RBFOX3: variants seen among roughly 807,000 people sequenced by gnomAD.
RBFOX3 encodes the protein RNA binding protein fox-1 homolog 3.
Under a neutral mutation model 48.7 loss-of-function variants are expected in RBFOX3, and 17 were observed. The observed-to-expected ratio is 0.35, with a 90% CI of 0.24 to 0.52. The LOEUF is 0.52. RBFOX3 is among the 20% of genes least tolerant of loss of function. The pLI is 0.94. For synonymous variants in RBFOX3, 212 were observed against 209.5 expected, an observed-to-expected ratio of 1.01 and a Z score of -0.10; for missense variants, 382 against 497.5, an observed-to-expected ratio of 0.77 and a Z score of 2.21.
At chr17:79,522,290 TC>T in intron 1 of RBFOX3, among the ~76,000 whole-genome samples, 1 of 152,260 alleles carries the variant, frequency 6.6e-6, no homozygotes, top group African/African-American at 2.4e-5. Context: ...TGTCATGCTG[TC>T]TTCCTAAAGG....
chr17:79,132,588 G>A (rs965803000), intron 4 of RBFOX3: 3 of 152,392 alleles, frequency 2.0e-5, no homozygotes, highest in African/African-American at 7.2e-5. Context: ...CAGAGTCGGG[G>A]GTGAGGACAG....
chr17:79,449,262 GC>G (rs1224352603), intron 2 of RBFOX3, among the ~76,000 whole-genome samples: 5 of 152,032 alleles, frequency 3.3e-5, no homozygotes, highest in Admixed American at 3.3e-4. Flanking sequence ...TGAAACATAA[GC>G]AGAGGCCTGT....
At chr17:79,283,516 G>A (rs571772183) in intron 3 of RBFOX3, among the ~76,000 whole-genome samples, 60 of 150,152 alleles carry the variant, frequency 4.0e-4, no homozygotes, top group African/African-American at 1.5e-3. Context: ...TGATCTGCCC[G>A]CCTCGGCCTC....
At chr17:79,353,633 A>G (rs192354866) in intron 2 of RBFOX3, among the ~76,000 whole-genome samples, 95 of 152,328 alleles carry the variant, frequency 6.2e-4, no homozygotes, top group African/African-American at 2.3e-3. Flanking sequence ...CACTGCAAGG[A>G]AAAGCCACGT....
At chr17:79,661,688 A>G in the RBFOX3 span, among the ~76,000 whole-genome samples, 1 of 152,194 alleles carries the variant, frequency 6.6e-6, no homozygotes, top group Admixed American at 6.5e-5. Context: ...AGTCTTCCAA[A>G]GTGATTGTTC....
intron 2 of RBFOX3, among the ~76,000 whole-genome samples, chr17:79,429,409 G>A (rs1199262208): frequency 2.0e-5 from 3 of 152,226 alleles, no homozygotes; most frequent in African/African-American, 7.2e-5. Context: ...GCAATGTGGG[G>A]TGGCAGCAGG....
intron 4 of RBFOX3, among the ~76,000 whole-genome samples, chr17:79,143,590 C>T (rs2042378101): frequency 6.6e-6 from 1 of 152,188 alleles, no homozygotes; most frequent in South Asian, 2.1e-4. Context: ...CGGGGTTCTC[C>T]CCACCAGGGA....
intron 1 of RBFOX3, among the ~76,000 whole-genome samples, chr17:79,525,754 G>A (rs916516713): frequency 3.9e-5 from 6 of 152,168 alleles, no homozygotes; most frequent in Admixed American, 6.5e-5. Context: ...TTGTTTCCTT[G>A]TTTGAGTATA....
chr17:79,415,519 GGAGA>G (rs1270765722), intron 2 of RBFOX3, among the ~76,000 whole-genome samples: 1 of 152,214 alleles, frequency 6.6e-6, no homozygotes, highest in South Asian at 2.1e-4. Flanking sequence ...CGCAGATGGA[GGAGA>G]GAGAAACTCC....
the RBFOX3 span, among the ~76,000 whole-genome samples, chr17:79,620,524 C>T: frequency 3.3e-5 from 5 of 151,174 alleles, no homozygotes; most frequent in African/African-American, 1.2e-4. Context: ...CGTGCACATG[C>T]ATACGCGCAC....
the RBFOX3 span, among the ~76,000 whole-genome samples, chr17:79,646,137 C>T: frequency 1.3e-5 from 2 of 152,166 alleles, no homozygotes; most frequent in South Asian, 2.1e-4. Flanking sequence ...AGAAAGACAC[C>T]GTGATCTGTC....
chr17:79,179,266 G>C (rs1300589834), intron 4 of RBFOX3, among the ~76,000 whole-genome samples: 1 of 152,190 alleles, frequency 6.6e-6, no homozygotes, highest in South Asian at 2.1e-4. Flanking sequence ...CTGCCCCTCG[G>C]CGGAGCCTTT....
chr17:79,651,748 C>CCTTTCTCT, the RBFOX3 span, among the ~76,000 whole-genome samples: 69,509 of 112,404 alleles, frequency 0.62, 26,406 homozygotes, highest in Non-Finnish European at 0.83. Flanking sequence ...TCTCTCTCTG[C>CCTTTCTCT]CTTTCTCTCT....
intron 2 of RBFOX3, among the ~76,000 whole-genome samples, chr17:79,470,614 G>A (rs2076945993): frequency 6.6e-6 from 1 of 152,200 alleles, no homozygotes; most frequent in Non-Finnish European, 1.5e-5. Flanking sequence ...CCCCAAGGGT[G>A]TGCAGAGGTG....
intron 4 of RBFOX3, among the ~76,000 whole-genome samples, chr17:79,149,472 C>T (rs959841227): frequency 3.9e-5 from 6 of 151,994 alleles, no homozygotes; most frequent in East Asian, 1.9e-4. Context: ...GGGCTGGACA[C>T]GAGAGTGGAC....
intron 1 of RBFOX3, among the ~76,000 whole-genome samples, chr17:79,586,656 C>T (rs964880121): frequency 5.9e-5 from 9 of 152,126 alleles, no homozygotes; most frequent in Non-Finnish European, 8.8e-5. Context: ...TGAGATCTTC[C>T]GTTTGATTTT....
intron 1 of RBFOX3, among the ~76,000 whole-genome samples, chr17:79,597,118 C>T (rs2093590200): frequency 1.3e-5 from 2 of 152,208 alleles, no homozygotes; most frequent in East Asian, 1.9e-4. Context: ...CACACATTCA[C>T]CCCAAATGCT....
intron 1 of RBFOX3, among the ~76,000 whole-genome samples, chr17:79,595,093 C>A (rs1372288790): frequency 6.6e-6 from 1 of 152,100 alleles, no homozygotes; most frequent in Non-Finnish European, 1.5e-5. Flanking sequence ...CGCTCCCCAT[C>A]CCACCCTTAG....
At chr17:79,344,340 T>C (rs1168222006) in intron 2 of RBFOX3, among the ~76,000 whole-genome samples, 1 of 152,108 alleles carries the variant, frequency 6.6e-6, no homozygotes, top group African/African-American at 2.4e-5. Flanking sequence ...AGTGAGTACA[T>C]CCTTGGAAGG....
Sources: gnomAD v4.1 joint callset for allele counts (sites outside exome capture counted in the v4.1 genomes callset) on GRCh38, gnomAD v4.1.1 for gene constraint, MANE v1.5 for transcripts, NCBI Gene and HGNC (gene_info 2026-07-23, HGNC 2026-07-21) for gene names.